HDAC4: variants seen among roughly 807,000 people sequenced by gnomAD.
HDAC4 encodes the protein histone deacetylase A.
A neutral mutation model predicts 135.1 loss-of-function variants in HDAC4; 16 were observed. That is an observed-to-expected ratio of 0.12 (90% CI 0.08 to 0.18). HDAC4 has a LOEUF of 0.18. Ranked by LOEUF, HDAC4 falls within the 10% of genes least tolerant of loss-of-function variation. The pLI, the probability that HDAC4 is intolerant of heterozygous loss-of-function variation, is 1.00. For synonymous variants in HDAC4, 685 were observed against 653.4 expected, an observed-to-expected ratio of 1.05 and a Z score of -0.74; for missense variants, 1,143 against 1,511.8, an observed-to-expected ratio of 0.76 and a Z score of 4.05.
At chr2:239,391,299 C>T (rs1696189175) in intron 1 of HDAC4, among the ~76,000 whole-genome samples, 1 of 152,214 alleles carries the variant, frequency 6.6e-6, no homozygotes, top group African/African-American at 2.4e-5. Flanking sequence ...ACAGTCCCTG[C>T]AAGGACAAAG....
Position 239,141,231 on chromosome 2 carries a change from C to T in HDAC4, c.866-1435G>A, listed in dbSNP as rs562493402. ...TGACCACGCTGCCCACCAGGAACAC[C>T]CTGGGAACATCTTGCCCTCAACAGC... On this transcript the variant is annotated intron_variant, in intron 8 of 26. Coordinates refer to ENST00000543185, the MANE Select transcript of HDAC4 (RefSeq NM_001378414.1). The surrounding 1 kb of genome is among the most constrained non-coding windows in gnomAD (Gnocchi z 4.9). 1.3e-4 allele frequency among the ~76,000 whole-genome samples: 20 copies of T among 152,252 alleles called. No homozygotes were observed. In the East Asian group the frequency reaches 3.7e-3, roughly 28 times the overall value.
chr2:239,376,285 T>A (rs58839862), intron 1 of HDAC4, among the ~76,000 whole-genome samples: 24,189 of 147,206 alleles, frequency 0.16, 1,891 homozygotes, highest in Non-Finnish European at 0.19. Flanking sequence ...CCCTCCACCA[T>A]CCAAACACCA....
At chr2:239,178,206 G>A (rs550229865) in intron 4 of HDAC4, among the ~76,000 whole-genome samples, 9 of 152,294 alleles carry the variant, frequency 5.9e-5, no homozygotes, top group African/African-American at 1.7e-4. Context: ...GTGGCCGCAC[G>A]TGTCCCGGTC....
At chr2:239,282,259 TACAC>T (rs1383263442) in intron 2 of HDAC4, among the ~76,000 whole-genome samples, 5 of 111,592 alleles carry the variant, frequency 4.5e-5, no homozygotes, top group African/African-American at 2.0e-4. Flanking sequence ...CACACCACTC[TACAC>T]ACAATGTACA....
intron 1 of HDAC4, among the ~76,000 whole-genome samples, chr2:239,372,678 A>T (rs1483907261): frequency 1.3e-5 from 2 of 152,212 alleles, no homozygotes; most frequent in Non-Finnish European, 2.9e-5. Context: ...GACAGAACAG[A>T]CACACTGCTT....
intron 12 of HDAC4, among the ~76,000 whole-genome samples, chr2:239,123,047 A>G (rs2039828849): frequency 6.6e-6 from 1 of 152,156 alleles, no homozygotes; most frequent in African/African-American, 2.4e-5. Context: ...GTTTCAATCA[A>G]CTGTCATTCA....
chr2:239,288,978 G>A (rs909786143), intron 2 of HDAC4, among the ~76,000 whole-genome samples: 21 of 152,216 alleles, frequency 1.4e-4, no homozygotes, highest in Admixed American at 1.2e-3. Context: ...CAATTGCAGG[G>A]AGGGGGCTGA....
At chr2:239,151,038 G>A (rs531872276) in intron 7 of HDAC4, among the ~76,000 whole-genome samples, 56 of 152,378 alleles carry the variant, frequency 3.7e-4, no homozygotes, top group Admixed American at 1.1e-3. Context: ...AACTGCATTA[G>A]AACAAGGGAC....
At chr2:239,391,764 C>T (rs1041273662) in intron 1 of HDAC4, among the ~76,000 whole-genome samples, 1 of 152,196 alleles carries the variant, frequency 6.6e-6, no homozygotes, top group Non-Finnish European at 1.5e-5. Context: ...CCAATCAGAC[C>T]CTTCACCCCA....
chr2:239,125,760 C>T (rs971504928), intron 12 of HDAC4, among the ~76,000 whole-genome samples: 6 of 152,268 alleles, frequency 3.9e-5, no homozygotes, highest in Non-Finnish European at 8.8e-5. Flanking sequence ...CATCACAGTG[C>T]TAGCCTTGCC....
At chr2:239,190,202 T>C (rs2153043819) in intron 3 of HDAC4, 125 bp from the exon 4 acceptor site, 1 of 1,289,634 alleles carries the variant, frequency 7.8e-7, no homozygotes, top group Non-Finnish European at 1.0e-6. Context: ...CATTTGAGGA[T>C]TGGATACCCC....
intron 24 of HDAC4, among the ~76,000 whole-genome samples, chr2:239,060,541 G>A (rs2032534143): frequency 6.6e-6 from 1 of 152,238 alleles, no homozygotes; most frequent in Non-Finnish European, 1.5e-5. Flanking sequence ...CTGGAGCCCT[G>A]CAGAGGGGCC....
At chr2:239,129,329 TGACAGACCATGATGTGG>T (rs1559482828) in intron 11 of HDAC4, among the ~76,000 whole-genome samples, 1 of 152,220 alleles carries the variant, frequency 6.6e-6, no homozygotes. Flanking sequence ...GAGCTTCTGA[TGACAGACCATGATGTGG>T]TCTTCAGGAT....
chr2:239,190,985 C>T (rs551887759), intron 3 of HDAC4: 39 of 465,780 alleles, frequency 8.4e-5, no homozygotes, highest in African/African-American at 6.0e-4. Flanking sequence ...TCACTCTGAG[C>T]CAGCACTGCT....
chr2:239,302,394 A>G (rs762530212), intron 2 of HDAC4, among the ~76,000 whole-genome samples: 1 of 152,264 alleles, frequency 6.6e-6, no homozygotes, highest in Non-Finnish European at 1.5e-5. Flanking sequence ...AGAGTTGCCA[A>G]GCTATAAAAC....
Position 239,188,964 on chromosome 2 carries a change from G to C in HDAC4, c.339+869C>G, listed in dbSNP as rs536803543. Among the ~76,000 whole-genome samples the C allele has an allele frequency of 7.2e-5, 11 of 152,372 alleles. No homozygotes were observed. The East Asian group carries it at 2.1e-3, about 29-fold the overall frequency. On this transcript the variant is annotated intron_variant, in intron 4 of 26. Coordinates refer to ENST00000543185, the MANE Select transcript of HDAC4 (RefSeq NM_001378414.1). Reference sequence around the variant, plus strand: ...ACATCTTAATAACAACATAATGGGAGACCCCATCAGCGAAGCTGCTCCAGG... The same window carrying C: ...ACATCTTAATAACAACATAATGGGACACCCCATCAGCGAAGCTGCTCCAGG...
In HDAC4 at chr2:239,112,194, G is replaced by A. The variant is rs539628189; in HGVS notation, c.1792-482C>T. Reference sequence around the variant, plus strand: ...TCGCTGGTTTCACTGGGGGATATGCGAAGGCCATGTAGATGTGGGGACCAC... The same window carrying A: ...TCGCTGGTTTCACTGGGGGATATGCAAAGGCCATGTAGATGTGGGGACCAC... On this transcript the variant is annotated intron_variant, in intron 13 of 26. Transcript: ENST00000543185. Among the ~76,000 whole-genome samples, 15 of 152,266 alleles carry A rather than the reference G, an allele frequency of 9.9e-5. No individual in the cohort carries two copies. In the East Asian group the frequency reaches 1.2e-3, roughly 12 times the overall value.
intron 17 of HDAC4, chr2:239,094,495 G>T: frequency 9.9e-7 from 1 of 1,011,390 alleles, no homozygotes; most frequent in Non-Finnish European, 1.2e-6. Context: ...ACAGACCAGT[G>T]ATTCATATGC....
chr2:239,190,373 G>T (rs2044853373), intron 3 of HDAC4, among the ~76,000 whole-genome samples: 1 of 152,226 alleles, frequency 6.6e-6, no homozygotes, highest in African/African-American at 2.4e-5. Context: ...CGGGAGGCCG[G>T]CTCTCAGAGG....
Sources: allele counts gnomAD v4.1 joint callset (sites outside exome capture counted in the v4.1 genomes callset), GRCh38; gene constraint gnomAD v4.1.1; non-coding constraint Gnocchi (gnomAD v3.1); transcripts MANE v1.5; gene names NCBI Gene and HGNC (gene_info 2026-07-23, HGNC 2026-07-21).